TENT4B: variants seen among roughly 807,000 people sequenced by gnomAD.
TENT4B encodes the protein terminal nucleotidyltransferase 4B, also known as PAP associated domain containing 5.
Under a neutral mutation model 75.0 loss-of-function variants are expected in TENT4B, and 10 were observed. The observed-to-expected ratio is 0.13, with a 90% CI of 0.08 to 0.23. The LOEUF (loss-of-function observed/expected upper bound fraction) is 0.23, where lower values mean the gene tolerates loss of function less well. Among genes scored for constraint, TENT4B ranks in the 10% least tolerant of loss-of-function variants. The probability of loss-of-function intolerance (pLI) is 1.00; values close to 1 mark genes in which losing one functional copy is unlikely to be tolerated. For synonymous variants in TENT4B, 350 were observed against 357.7 expected (o/e 0.98, Z 0.24); for missense variants, 579 against 893.8 (o/e 0.65, Z 4.49).
chr16:50,155,276 T>G (rs1397028965), intron 1 of TENT4B, among the ~76,000 whole-genome samples: 1 of 146,682 alleles, frequency 6.8e-6, no homozygotes, highest in Non-Finnish European at 1.5e-5. Flanking sequence ...CTCGTGGGTG[T>G]GTGTGTGTGT....
intron 1 of TENT4B, among the ~76,000 whole-genome samples, chr16:50,191,890 GC>G (rs1386288742): frequency 6.6e-6 from 1 of 151,970 alleles, no homozygotes; most frequent in African/African-American, 2.4e-5. Context: ...TTGCCCTCCA[GC>G]CTGGGCAACA....
At chr16:50,202,998 G>A (rs1360577222) in intron 1 of TENT4B, among the ~76,000 whole-genome samples, 6 of 152,144 alleles carry the variant, frequency 3.9e-5, no homozygotes, top group South Asian at 2.1e-4. Context: ...AAGCAGGCAC[G>A]AGTACCTCTT....
chr16:50,174,615 A>G (rs1337710987), intron 1 of TENT4B, among the ~76,000 whole-genome samples: 1 of 152,142 alleles, frequency 6.6e-6, no homozygotes, highest in Non-Finnish European at 1.5e-5. Context: ...TTTGAAATAT[A>G]CAATAAATTA....
chr16:50,160,306 C>A (rs2037979458), intron 1 of TENT4B, among the ~76,000 whole-genome samples: 1 of 151,738 alleles, frequency 6.6e-6, no homozygotes, highest in African/African-American at 2.4e-5. Context: ...TTTTTTTTTC[C>A]CCCTTCGTCT....
At position 50,232,843 on chromosome 16, in the gene TENT4B, G is replaced by A. The variant is rs112892713; in HGVS notation, c.*3515G>A. On this transcript the variant is annotated 3_prime_UTR_variant, in exon 12 of 12. Coordinates refer to ENST00000561678, the MANE Select transcript of TENT4B (RefSeq NM_001365324.3). The stretch of plus-strand genomic sequence containing the variant: ...TGATCAGTTCCTTGAATTCTAATAT[G>A]TTGATTTCTCAGTGTTTCTGTCACT... 5.1e-6 allele frequency: 5 copies of A among 985,152 alleles called. No individual in the cohort carries two copies. The highest frequency in any genetic ancestry group is 4.8e-6 in the Non-Finnish European group (4 of 829,820). 61.0% of individuals were successfully genotyped at this position (985,152 alleles called of 1,614,324 possible). A position where few individuals can be genotyped will look rare whatever the true frequency, so the allele number is the denominator to read the frequency against.
At chr16:50,223,091 G>A in intron 6 of TENT4B, 83 bp from the exon 7 acceptor site, 2 of 1,144,480 alleles carry the variant, frequency 1.7e-6, no homozygotes, top group Non-Finnish European at 2.5e-6. Flanking sequence ...AATATTGCTT[G>A]TAGAAGTTAG....
At position 50,153,900 on chromosome 16, in the gene TENT4B, C is replaced by T. The variant is rs965672865; in HGVS notation, c.279C>T (p.Ser93=). The T allele has an allele frequency of 1.3e-6, 2 of 1,524,742 alleles. No individual in the cohort carries two copies. Among genetic ancestry groups the T allele is most frequent in the African/African-American group, 1.4e-5 (1 of 71,538 alleles). 94.5% of individuals were successfully genotyped at this position (1,524,742 alleles called of 1,614,324 possible). The stretch of plus-strand genomic sequence containing the variant: ...GCTCCGGGGAGCGCCTGCTGGGCAG[C>T]CACGCGCTGCCCGCGGAGCAGCGGG... ...MYRSGERLLG[S]HALPAEQRDF... Residue 93 remains serine (S), a synonymous_variant, in exon 1 of 12, where the codon AGC becomes AGT. Coordinates refer to ENST00000561678, the MANE Select transcript of TENT4B (RefSeq NM_001365324.3).
At chr16:50,153,261 A>G (rs1450818094), upstream of TENT4B, among the ~76,000 whole-genome samples, 1 of 139,444 alleles carries the variant, frequency 7.2e-6, no homozygotes, top group Non-Finnish European at 1.6e-5. Flanking sequence ...GACGCTACGG[A>G]GCAGGCGCGT....
chr16:50,212,409 G>T (rs1298884478), intron 2 of TENT4B, among the ~76,000 whole-genome samples: 1 of 152,074 alleles, frequency 6.6e-6, no homozygotes, highest in African/African-American at 2.4e-5. Context: ...TTGAGGGCCT[G>T]TTCTACAATT....
chr16:50,204,847 G>T (rs1354110099), intron 1 of TENT4B, among the ~76,000 whole-genome samples: 1 of 127,606 alleles, frequency 7.8e-6, no homozygotes, highest in East Asian at 2.4e-4. Context: ...CACACACACT[G>T]CACTGGGCAT....
intron 1 of TENT4B, among the ~76,000 whole-genome samples, chr16:50,196,222 T>C (rs2150715781): frequency 6.6e-6 from 1 of 152,344 alleles, no homozygotes; most frequent in South Asian, 2.1e-4. Flanking sequence ...GTTTTCAGTT[T>C]TGTGCATATC....
chr16:50,155,272 G>GGTGTGGGTGT (rs1555506871), intron 1 of TENT4B, among the ~76,000 whole-genome samples: 5 of 135,482 alleles, frequency 3.7e-5, no homozygotes, highest in African/African-American at 1.1e-4. Flanking sequence ...GGGTCTCGTG[G>GGTGTGGGTGT]GTGTGTGTGT....
intron 1 of TENT4B, among the ~76,000 whole-genome samples, chr16:50,206,623 G>T (rs190587852): frequency 3.0e-4 from 46 of 152,106 alleles, no homozygotes; most frequent in African/African-American, 1.1e-3. Flanking sequence ...TGGATGAGCC[G>T]CAGGGGACGG....
intron 11 of TENT4B, among the ~76,000 whole-genome samples, chr16:50,228,876 G>A (rs1406135656): frequency 2.0e-5 from 3 of 152,180 alleles, no homozygotes; most frequent in Non-Finnish European, 4.4e-5. Flanking sequence ...GGGTTGGTAA[G>A]TTTCTTAAGA....
intron 1 of TENT4B, among the ~76,000 whole-genome samples, chr16:50,177,412 G>A (rs926931532): frequency 5.3e-5 from 8 of 152,144 alleles, no homozygotes; most frequent in African/African-American, 1.9e-4. Flanking sequence ...TTCCTTAATA[G>A]ATAAAGGTGC....
chr16:50,182,687 C>G (rs1428543042), intron 1 of TENT4B, among the ~76,000 whole-genome samples: 1 of 151,952 alleles, frequency 6.6e-6, no homozygotes, highest in Admixed American at 6.6e-5. Context: ...ATCTAAATTG[C>G]TTCTTATTTT....
At position 50,230,080 on chromosome 16, in the gene TENT4B, G is replaced by C. The variant is rs1015867527; in HGVS notation, c.*752G>C. On this transcript the variant is annotated 3_prime_UTR_variant, in exon 12 of 12. Transcript: ENST00000561678. Reference sequence around the variant, plus strand: ...GCTGCAAAAATTTTTCCTCTCTAAAGAAAAGGTTTATGGTGGCAAATGATG... The same window carrying C: ...GCTGCAAAAATTTTTCCTCTCTAAACAAAAGGTTTATGGTGGCAAATGATG... 1 of 982,148 alleles carries C rather than the reference G, an allele frequency of 1.0e-6. No individual in the cohort carries two copies. Among genetic ancestry groups the C allele is most frequent in the African/African-American group, 1.8e-5 (1 of 56,630 alleles). 60.8% of individuals were successfully genotyped at this position (982,148 alleles called of 1,614,324 possible).
At chr16:50,227,212 T>C (rs938636173) in intron 10 of TENT4B, among the ~76,000 whole-genome samples, 3 of 152,158 alleles carry the variant, frequency 2.0e-5, no homozygotes, top group Non-Finnish European at 4.4e-5. Flanking sequence ...GCAGTATGCT[T>C]TGGAGGACAG....
intron 1 of TENT4B, among the ~76,000 whole-genome samples, chr16:50,167,546 T>C (rs2150677244): frequency 6.6e-6 from 1 of 152,300 alleles, no homozygotes; most frequent in African/African-American, 2.4e-5. Flanking sequence ...TTGCTTGTCA[T>C]ACGTAAGAAA....
Sources: allele counts gnomAD v4.1 joint callset (sites outside exome capture counted in the v4.1 genomes callset), GRCh38; gene constraint gnomAD v4.1.1; transcripts MANE v1.5; gene names NCBI Gene and HGNC (gene_info 2026-07-23, HGNC 2026-07-21).